The following F13A1 variants were observed in gnomAD, a reference collection of about 807,000 sequenced individuals.
F13A1 encodes the protein FSF, A subunit.
Under a neutral mutation model 80.1 loss-of-function variants are expected in F13A1, and 47 were observed. That is an observed-to-expected ratio of 0.59 (90% confidence interval 0.46 to 0.75). The LOEUF is 0.75. Among genes scored for constraint, F13A1 ranks in the 30% least tolerant of loss-of-function variants. F13A1 has a pLI of 0.00. For synonymous variants in F13A1, 349 were observed against 344.9 expected, an observed-to-expected ratio of 1.01 and a Z score of -0.13; for missense variants, 817 against 930.4, an observed-to-expected ratio of 0.88 and a Z score of 1.59.
rs1373835128 is a variant in F13A1, at chr6:6,144,895, T to G, written c.*724A>C. The G allele has an allele frequency of 6.5e-6, 1 of 153,778 alleles. No homozygotes were observed. The highest frequency in any genetic ancestry group is 1.5e-5 in the Non-Finnish European group (1 of 68,922). 9.5% of individuals were successfully genotyped at this position (153,778 alleles called of 1,614,324 possible). A position where few individuals can be genotyped will look rare whatever the true frequency, so the allele number is the denominator to read the frequency against. On this transcript the variant is annotated 3_prime_UTR_variant, in exon 15 of 15. Transcript: ENST00000264870. ...TTGGCTCCTGCTGATCAGGCCACAG[T>G]GTGACACATTCTATAAAATGCATCA...
At position 6,181,978 on chromosome 6, in the gene F13A1, A is replaced by G; in HGVS notation, c.1459+10T>C. 6.2e-7 allele frequency: 1 copy of G among 1,614,034 alleles called. No homozygotes were observed. The highest frequency in any genetic ancestry group is 2.2e-5 in the East Asian group (1 of 44,884). The stretch of plus-strand genomic sequence containing the variant: ...GGCAAATAAATCTTCATTCAGTGGT[A>G]GTAAATTACCTTCTTGGAATTTGTA... On this transcript the variant is annotated intron_variant, in intron 11 of 14. Coordinates refer to ENST00000264870, the MANE Select transcript of F13A1 (RefSeq NM_000129.4).
At chr6:6,259,127 C>G (rs115585066) in intron 4 of F13A1, among the ~76,000 whole-genome samples, 201 of 152,286 alleles carry the variant, frequency 1.3e-3, no homozygotes, top group African/African-American at 4.7e-3. Flanking sequence ...GTACTGTGCA[C>G]AGGTCATTGT....
chr6:6,285,110 C>T (rs1279465804), intron 3 of F13A1, among the ~76,000 whole-genome samples: 2 of 152,124 alleles, frequency 1.3e-5, no homozygotes, highest in South Asian at 2.1e-4. Flanking sequence ...TTAGCTAGGC[C>T]TGGTGGCGGG....
At chr6:6,301,759 C>T (rs1367205546) in intron 3 of F13A1, among the ~76,000 whole-genome samples, 1 of 152,178 alleles carries the variant, frequency 6.6e-6, no homozygotes, top group Non-Finnish European at 1.5e-5. Flanking sequence ...CATTTAGTTG[C>T]TTTCAGGGGT....
intron 4 of F13A1, among the ~76,000 whole-genome samples, chr6:6,256,783 A>C (rs937399290): frequency 6.6e-6 from 1 of 152,160 alleles, no homozygotes; most frequent in Non-Finnish European, 1.5e-5. Flanking sequence ...AAGGAAGATC[A>C]TTCATCATTG....
intron 4 of F13A1, among the ~76,000 whole-genome samples, chr6:6,253,170 G>C (rs1185192426): frequency 2.7e-5 from 4 of 147,738 alleles, no homozygotes; most frequent in African/African-American, 9.9e-5. Flanking sequence ...AAAAGAGAGA[G>C]AGAGAGAGAG....
At chr6:6,317,975 G>C (rs1758709194) in intron 2 of F13A1, among the ~76,000 whole-genome samples, 1 of 152,160 alleles carries the variant, frequency 6.6e-6, no homozygotes, top group Admixed American at 6.5e-5. Flanking sequence ...TCAGGCAGAG[G>C]CAAGAGGCTG....
chr6:6,206,972 C>T (rs1761500288), intron 8 of F13A1, among the ~76,000 whole-genome samples: 1 of 151,686 alleles, frequency 6.6e-6, no homozygotes, highest in Non-Finnish European at 1.5e-5. Context: ...AGAGTAAGGA[C>T]TACTGGAAAT....
intron 3 of F13A1, among the ~76,000 whole-genome samples, chr6:6,289,046 T>C (rs1189858831): frequency 6.6e-6 from 1 of 152,218 alleles, no homozygotes; most frequent in African/African-American, 2.4e-5. Context: ...TAAGTTTTAT[T>C]TCTACCTTCC....
chr6:6,212,107 C>T (rs1014582178), intron 8 of F13A1, among the ~76,000 whole-genome samples: 15 of 152,376 alleles, frequency 9.8e-5, no homozygotes, highest in Admixed American at 3.9e-4. Flanking sequence ...GGCGGAGGGG[C>T]GCCCGCCATT....
intron 8 of F13A1, among the ~76,000 whole-genome samples, chr6:6,214,081 G>T (rs1761674528): frequency 1.5e-5 from 2 of 130,202 alleles, no homozygotes; most frequent in South Asian, 5.4e-4. Context: ...TTAATAATGG[G>T]AGACTTTAAC....
At position 6,305,380 on chromosome 6, in the gene F13A1, C is replaced by T. The variant is rs1758498441; in HGVS notation, c.290G>A (p.Arg97Lys). The T allele has an allele frequency of 3.1e-6, 5 of 1,614,224 alleles. No individual in the cohort carries two copies. The highest frequency in any genetic ancestry group is 4.2e-6 in the Non-Finnish European group (5 of 1,180,042). Residue 97 changes from arginine to lysine, a missense_variant, in exon 3 of 15, where the codon AGG (arginine) becomes AAG (lysine). Transcript: ENST00000264870. Reference protein sequence around the residue: ...IDFSRPYDPRRDLFRVEYVIG... With the variant: ...IDFSRPYDPRKDLFRVEYVIG... The stretch of plus-strand genomic sequence containing the variant: ...GACGTATTCCACCCTGAAGAGATCC[C>T]TTCTGGGGTCATATGGACGACTGAA...
intron 3 of F13A1, among the ~76,000 whole-genome samples, chr6:6,285,844 C>A (rs1333008491): frequency 6.6e-6 from 1 of 152,228 alleles, no homozygotes; most frequent in African/African-American, 2.4e-5. Context: ...CCCAATAAAA[C>A]CTCAGCAGTT....
At chr6:6,257,174 T>TGA (rs1464749892) in intron 4 of F13A1, among the ~76,000 whole-genome samples, 1 of 152,198 alleles carries the variant, frequency 6.6e-6, no homozygotes, top group Non-Finnish European at 1.5e-5. Flanking sequence ...GGGAGTGGCT[T>TGA]GATCTGCAGA....
chr6:6,287,312 G>A (rs187794735), intron 3 of F13A1, among the ~76,000 whole-genome samples: 43 of 152,306 alleles, frequency 2.8e-4, no homozygotes, highest in African/African-American at 4.8e-5. Context: ...CCCACAGTCC[G>A]TCCTCCCTGA....
intron 2 of F13A1, among the ~76,000 whole-genome samples, chr6:6,311,828 A>C (rs1317680375): frequency 1.7e-5 from 2 of 118,244 alleles, no homozygotes; most frequent in African/African-American, 6.8e-5. Context: ...AATAGATATA[A>C]GCAAACTATA....
chr6:6,176,228 C>T (rs1288234841), intron 11 of F13A1, among the ~76,000 whole-genome samples: 1 of 152,146 alleles, frequency 6.6e-6, no homozygotes, highest in Non-Finnish European at 1.5e-5. Context: ...AAGGTATTGT[C>T]TTCTACTTTA....
At chr6:6,178,795 CAAAGA>C (rs1288553194) in intron 11 of F13A1, among the ~76,000 whole-genome samples, 1 of 152,136 alleles carries the variant, frequency 6.6e-6, no homozygotes, top group African/African-American at 2.4e-5. Flanking sequence ...ATTGTAGAAA[CAAAGA>C]AAAGACAGAA....
At chr6:6,174,916 G>C (rs1160660165) in intron 11 of F13A1, 49 bp from the exon 12 acceptor site, 3 of 1,610,078 alleles carry the variant, frequency 1.9e-6, no homozygotes, top group Non-Finnish European at 2.5e-6. Flanking sequence ...ATCCACCAGA[G>C]AGAAAGTCAC....
Sources: gnomAD v4.1 joint callset for allele counts (sites outside exome capture counted in the v4.1 genomes callset) on GRCh38, gnomAD v4.1.1 for gene constraint, MANE v1.5 for transcripts, NCBI Gene and HGNC (gene_info 2026-07-23, HGNC 2026-07-21) for gene names.